KIZ: variants seen among roughly 807,000 people sequenced by gnomAD.
KIZ encodes the protein kizuna centrosomal protein.
Under a neutral mutation model 79.6 loss-of-function variants are expected in KIZ, and 68 were observed. The observed-to-expected ratio is 0.85, with a 90% CI of 0.70 to 1.05. The LOEUF is 1.05. KIZ is among the 50% of genes least tolerant of loss of function. The pLI, the probability that KIZ is intolerant of heterozygous loss-of-function variation, is 0.00. For synonymous variants in KIZ, 280 were observed against 281.8 expected (o/e 0.99, Z 0.06); for missense variants, 797 against 800.4 (o/e 1.00, Z 0.05).
At chr20:21,141,354 G>A (rs909228406) in intron 3 of KIZ, among the ~76,000 whole-genome samples, 24 of 152,154 alleles carry the variant, frequency 1.6e-4, no homozygotes, top group African/African-American at 5.3e-4. Flanking sequence ...TCAGCCTGGC[G>A]CCAAATCCTA....
rs74594444 is a variant in KIZ at position 21,238,865 on chromosome 20, T to C, written c.1881-5380T>C. Among the ~76,000 whole-genome samples, 1,001 of 152,300 alleles carry C rather than the reference T, an allele frequency of 6.6e-3. 11 individuals are homozygous for C. Among genetic ancestry groups the C allele is most frequent in the African/African-American group, 0.022 (934 of 41,562 alleles). On this transcript the variant is annotated intron_variant, in intron 11 of 12. Transcript: ENST00000619189. ...GAGGCAGTTTCCCTGTCTCTTCCCATTTCAAGGGCACCCACTCATCAGGTT... is the reference window on the plus strand; with the variant it reads ...GAGGCAGTTTCCCTGTCTCTTCCCACTTCAAGGGCACCCACTCATCAGGTT...
rs775127762 is a variant in KIZ, at chr20:21,161,942, T to A, written c.477T>A (p.Phe159Leu). Residue 159 changes from phenylalanine (F) to leucine (L), a missense_variant, in exon 5 of 13, where the codon TTT (phenylalanine) becomes TTA (leucine). By Grantham distance (22) the Phe-to-Leu change is conservative. Transcript: ENST00000619189. The part of the protein sequence containing the change: ...SRGLYQPATI[F>L]MGRQMSAILS... ...GATTGTATCAACCAGCAACAATCTT[T>A]ATGGGCCGCCAAATGTCAGCCATCT... 63 of 1,613,608 alleles carry A rather than the reference T, an allele frequency of 3.9e-5. No individual in the cohort carries two copies. Among genetic ancestry groups the A allele is most frequent in the Middle Eastern group, 1.6e-4 (1 of 6,084 alleles).
intron 1 of KIZ, among the ~76,000 whole-genome samples, chr20:21,128,920 T>G (rs2031660055): frequency 6.6e-6 from 1 of 152,140 alleles, no homozygotes; most frequent in East Asian, 1.9e-4. Flanking sequence ...AACAAGTGGC[T>G]TAAAAGTAGA....
intron 11 of KIZ, among the ~76,000 whole-genome samples, chr20:21,238,721 G>A (rs1161227777): frequency 1.3e-5 from 2 of 152,190 alleles, no homozygotes; most frequent in African/African-American, 4.8e-5. Flanking sequence ...TCTGGTGTCA[G>A]TCTCCTCACC....
intron 6 of KIZ, among the ~76,000 whole-genome samples, chr20:21,182,066 T>C (rs747035802): frequency 1.4e-4 from 22 of 152,226 alleles, no homozygotes; most frequent in Admixed American, 5.9e-4. Context: ...AGTGCTATTA[T>C]GGACTAAATG....
At chr20:21,193,861 G>C (rs1431322225) in intron 6 of KIZ, among the ~76,000 whole-genome samples, 1 of 111,638 alleles carries the variant, frequency 9.0e-6, no homozygotes, top group Non-Finnish European at 1.8e-5. Context: ...GTTGTGGGGT[G>C]GGGGGAGGGG....
Position 21,246,123 on chromosome 20 carries a change from G to A in KIZ, c.1925-356G>A, listed in dbSNP as rs548072811. ...AAGAAGAATGGGAGATGAAAGTGGA[G>A]GGGCAGCTGAGGTGGGGCGGCATCA... On this transcript the variant is annotated intron_variant, in intron 12 of 12. Coordinates refer to ENST00000619189, the MANE Select transcript of KIZ (RefSeq NM_018474.6). 73 of 229,864 alleles carry A rather than the reference G, an allele frequency of 3.2e-4. No individual in the cohort carries two copies. In the Middle Eastern group the frequency reaches 0.01, roughly 33 times the overall value. The allele number at this position is 229,864 out of a possible 1,614,324, so 14.2% of individuals were successfully genotyped here. A position where few individuals can be genotyped will look rare whatever the true frequency, so the allele number is the denominator to read the frequency against.
At chr20:21,231,095 A>G (rs4815031) in intron 10 of KIZ, among the ~76,000 whole-genome samples, 142,971 of 152,286 alleles carry the variant, frequency 0.94, 67,169 homozygotes, top group Middle Eastern at 0.97. Flanking sequence ...CACTTTGGGA[A>G]GCCAAGGGAG....
chr20:21,232,537 A>G (rs906103284), intron 10 of KIZ, among the ~76,000 whole-genome samples, 197 bp from the exon 11 acceptor site: 1 of 152,164 alleles, frequency 6.6e-6, no homozygotes, highest in Admixed American at 6.5e-5. Flanking sequence ...TATCACAGGA[A>G]AGTGCCTCAC....
intron 1 of KIZ, among the ~76,000 whole-genome samples, chr20:21,129,731 C>T (rs1216887225): frequency 2.4e-5 from 3 of 127,020 alleles, no homozygotes; most frequent in East Asian, 4.5e-4. Flanking sequence ...GACTCCATCT[C>T]AAAAAAAAAA....
intron 3 of KIZ, among the ~76,000 whole-genome samples, chr20:21,137,945 A>AT: frequency 6.6e-6 from 1 of 151,914 alleles, no homozygotes; most frequent in South Asian, 2.1e-4. Flanking sequence ...CTAATTTTTT[A>AT]TTTTTTTGTA....
intron 4 of KIZ, among the ~76,000 whole-genome samples, chr20:21,147,920 A>G (rs557979146): frequency 6.7e-5 from 10 of 150,070 alleles, no homozygotes; most frequent in South Asian, 4.3e-4. Context: ...GGTACCTGGA[A>G]CTATGGTCCC....
At chr20:21,218,949 C>T (rs1036122496) in intron 9 of KIZ, among the ~76,000 whole-genome samples, 1 of 152,140 alleles carries the variant, frequency 6.6e-6, no homozygotes, top group East Asian at 1.9e-4. Flanking sequence ...TTTAGGCGCC[C>T]AGAAGTGCTA....
At chr20:21,201,191 C>T (rs1282165806) in intron 6 of KIZ, among the ~76,000 whole-genome samples, 1 of 151,968 alleles carries the variant, frequency 6.6e-6, no homozygotes, top group Non-Finnish European at 1.5e-5. Context: ...AAAAAAATAA[C>T]AAAAAGTCAT....
intron 1 of KIZ, 156 bp from the exon 2 acceptor site, chr20:21,131,941 G>A: frequency 1.9e-6 from 1 of 534,118 alleles, no homozygotes; most frequent in East Asian, 3.4e-5. Flanking sequence ...TTAGACCAGA[G>A]AAGCATTTTC....
intron 9 of KIZ, among the ~76,000 whole-genome samples, chr20:21,216,692 G>T (rs1270123662): frequency 6.6e-6 from 1 of 152,126 alleles, no homozygotes; most frequent in African/African-American, 2.4e-5. Context: ...AAATGTAGAT[G>T]ATCCCAAACT....
At chr20:21,136,597 G>T (rs1568908108) in intron 3 of KIZ, 45 bp downstream of exon 3, 3 of 1,299,178 alleles carry the variant, frequency 2.3e-6, no homozygotes, top group South Asian at 1.6e-5. Flanking sequence ...TTGTTGTTGT[G>T]TGTTTTTTTT....
intron 6 of KIZ, among the ~76,000 whole-genome samples, chr20:21,193,293 A>G (rs939414113): frequency 1.3e-5 from 2 of 152,216 alleles, no homozygotes; most frequent in East Asian, 1.9e-4. Flanking sequence ...CACCAAAAAG[A>G]TAACACTGGC....
chr20:21,241,792 A>G (rs912846639), intron 11 of KIZ, among the ~76,000 whole-genome samples: 1 of 152,186 alleles, frequency 6.6e-6, no homozygotes, highest in Non-Finnish European at 1.5e-5. Context: ...TTAAGTGACG[A>G]CTAACACACA....
Sources: gnomAD v4.1 joint callset for allele counts (sites outside exome capture counted in the v4.1 genomes callset) on GRCh38, gnomAD v4.1.1 for gene constraint, MANE v1.5 for transcripts, NCBI Gene and HGNC (gene_info 2026-07-23, HGNC 2026-07-21) for gene names.